The following FHOD3 variants were observed in gnomAD, a reference collection of about 807,000 sequenced individuals.
FHOD3 encodes FH1/FH2 domain-containing protein 3.
In FHOD3, 90 loss-of-function variants were observed where a neutral mutation model predicts 173.0. The observed-to-expected ratio is 0.52, with a 90% confidence interval of 0.44 to 0.62. The LOEUF is 0.62. Ranked by LOEUF, FHOD3 falls within the 20% of genes least tolerant of loss-of-function variation. The pLI, the probability that FHOD3 is intolerant of heterozygous loss-of-function variation, is 0.00. For synonymous variants in FHOD3, 828 were observed against 823.0 expected (o/e 1.01, Z -0.10); for missense variants, 1,945 against 2,034.7 (o/e 0.96, Z 0.85).
intron 5 of FHOD3, among the ~76,000 whole-genome samples, chr18:36,547,445 A>T (rs552106034): frequency 6.6e-6 from 1 of 152,098 alleles, no homozygotes; most frequent in Admixed American, 6.5e-5. Flanking sequence ...ATCTCATTTT[A>T]TATTTTTAGT....
Position 36,779,623 on chromosome 18 carries a change from C to A in FHOD3, c.*93C>A. The A allele has an allele frequency of 9.3e-7, 1 of 1,071,006 alleles. No individual in the cohort carries two copies. Among genetic ancestry groups the A allele is most frequent in the South Asian group, 1.3e-5 (1 of 76,350 alleles). 66.3% of individuals were successfully genotyped at this position (1,071,006 alleles called of 1,614,324 possible). A position where few individuals can be genotyped will look rare whatever the true frequency, so the allele number is the denominator to read the frequency against. ...GGTGGGGTTGGGGAGACTTGATATT[C>A]ACATCCAACAGTTTGAAAAGGGAGA... On this transcript the variant is annotated 3_prime_UTR_variant, in exon 29 of 29. Transcript: ENST00000590592.
intron 17 of FHOD3, among the ~76,000 whole-genome samples, chr18:36,697,505 G>C (rs2039351095): frequency 9.3e-6 from 1 of 107,922 alleles, no homozygotes; most frequent in Admixed American, 8.5e-5. Flanking sequence ...ATACATCACA[G>C]ATACATTTGA....
intron 5 of FHOD3, among the ~76,000 whole-genome samples, chr18:36,513,163 A>G (rs574873258): frequency 6.6e-6 from 1 of 150,406 alleles, no homozygotes; most frequent in East Asian, 1.9e-4. Flanking sequence ...ACCTTCATAT[A>G]AATTTCATTT....
At chr18:36,766,423 C>G (rs2043139572) in intron 27 of FHOD3, among the ~76,000 whole-genome samples, 1 of 152,176 alleles carries the variant, frequency 6.6e-6, no homozygotes, top group African/African-American at 2.4e-5. Flanking sequence ...CTATTATGGT[C>G]TAGATTGCTT....
At chr18:36,702,616 C>A (rs16968192) in intron 17 of FHOD3, among the ~76,000 whole-genome samples, 24,555 of 152,146 alleles carry the variant, frequency 0.16, 2,100 homozygotes, top group Non-Finnish European at 0.18. Flanking sequence ...CAAGTCCTGG[C>A]AGAGTCATCT....
At chr18:36,417,265 T>C (rs1244892110) in intron 3 of FHOD3, among the ~76,000 whole-genome samples, 2 of 152,166 alleles carry the variant, frequency 1.3e-5, no homozygotes, top group African/African-American at 4.8e-5. Flanking sequence ...TTCCCCTCTA[T>C]GTGTCCATGT....
At chr18:36,648,093 C>T (rs79377965) in intron 10 of FHOD3, among the ~76,000 whole-genome samples, 14,903 of 152,070 alleles carry the variant, frequency 0.098, 975 homozygotes, top group Non-Finnish European at 0.14. Context: ...TCCGTAAGGA[C>T]TGAAAGCAAG....
At chr18:36,597,968 T>C (rs72895517) in intron 7 of FHOD3, among the ~76,000 whole-genome samples, 17,500 of 152,300 alleles carry the variant, frequency 0.11, 1,344 homozygotes, top group Non-Finnish European at 0.18. Flanking sequence ...GAATTGTTCC[T>C]GAATCCTATG....
chr18:36,657,840 C>T (rs980881376), intron 13 of FHOD3, among the ~76,000 whole-genome samples: 2 of 152,066 alleles, frequency 1.3e-5, no homozygotes, highest in Admixed American at 6.5e-5. Context: ...TATTTAAACC[C>T]TTTGTCATAA....
chr18:36,762,970 CG>C (rs2042951319), intron 27 of FHOD3, among the ~76,000 whole-genome samples: 3 of 110,432 alleles, frequency 2.7e-5, no homozygotes, highest in Non-Finnish European at 6.2e-5. Context: ...GTTATATATG[CG>C]TATTATATAC....
At chr18:36,731,240 G>A (rs1456350252) in intron 20 of FHOD3, among the ~76,000 whole-genome samples, 2 of 152,188 alleles carry the variant, frequency 1.3e-5, no homozygotes, top group Non-Finnish European at 2.9e-5. Context: ...CATTTGATAA[G>A]CCAGAGAGCT....
At chr18:36,379,738 A>G (rs985024959) in intron 3 of FHOD3, among the ~76,000 whole-genome samples, 10 of 152,372 alleles carry the variant, frequency 6.6e-5, no homozygotes, top group African/African-American at 1.9e-4. Context: ...GAGTGTCTGC[A>G]TAAATACTTT....
intron 3 of FHOD3, among the ~76,000 whole-genome samples, chr18:36,373,679 T>G (rs1303939878): frequency 6.6e-6 from 1 of 152,256 alleles, no homozygotes; most frequent in African/African-American, 2.4e-5. Flanking sequence ...CTTCAGGGAC[T>G]GAAAGGTCAG....
intron 6 of FHOD3, among the ~76,000 whole-genome samples, chr18:36,586,379 C>T (rs965467315): frequency 1.3e-5 from 2 of 152,228 alleles, no homozygotes; most frequent in Admixed American, 6.5e-5. Context: ...GTTGATTTCC[C>T]TCAACCACGA....
intron 15 of FHOD3, among the ~76,000 whole-genome samples, chr18:36,685,738 G>A (rs965928689): frequency 6.6e-6 from 1 of 152,064 alleles, no homozygotes; most frequent in African/African-American, 2.4e-5. Flanking sequence ...TATATTATGA[G>A]GTCCAGTGTT....
intron 19 of FHOD3, among the ~76,000 whole-genome samples, chr18:36,719,233 G>A (rs904530936): frequency 6.6e-6 from 1 of 152,128 alleles, no homozygotes; most frequent in Non-Finnish European, 1.5e-5. Flanking sequence ...TAGTTTTCCA[G>A]CAGCCGTATA....
chr18:36,394,012 G>A (rs2048430354), intron 3 of FHOD3, among the ~76,000 whole-genome samples: 1 of 152,154 alleles, frequency 6.6e-6, no homozygotes, highest in South Asian at 2.1e-4. Flanking sequence ...GGGAACCATG[G>A]GAGAAAAGAC....
chr18:36,310,570 C>CTT (rs1239973502), intron 1 of FHOD3, among the ~76,000 whole-genome samples: 2 of 151,776 alleles, frequency 1.3e-5, no homozygotes, highest in African/African-American at 4.8e-5. Context: ...GCCCGTAATT[C>CTT]CAATTACTCA....
chr18:36,484,847 G>C (rs1333757571), intron 3 of FHOD3, among the ~76,000 whole-genome samples: 1 of 152,184 alleles, frequency 6.6e-6, no homozygotes, highest in Non-Finnish European at 1.5e-5. Context: ...GGAGGAAGGG[G>C]AAGCCTAAGG....
Sources: allele counts gnomAD v4.1 joint callset (sites outside exome capture counted in the v4.1 genomes callset), GRCh38; gene constraint gnomAD v4.1.1; transcripts MANE v1.5; gene names NCBI Gene and HGNC (gene_info 2026-07-23, HGNC 2026-07-21).